DPP6: variants seen among roughly 807,000 people sequenced by gnomAD.
DPP6 encodes the protein dipeptidyl peptidase like 6, also known as A-type potassium channel modulatory protein DPP6.
Under a neutral mutation model 122.6 loss-of-function variants are expected in DPP6, and 69 were observed. That is an observed-to-expected ratio of 0.56 (90% confidence interval 0.46 to 0.69). The LOEUF is 0.69. Ranked by LOEUF, DPP6 falls within the 30% of genes least tolerant of loss-of-function variation. DPP6 has a pLI of 0.00. For missense variants in DPP6, 928 were observed against 1,116.9 expected (o/e 0.83, Z 2.41); for synonymous variants, 418 against 433.1 (o/e 0.97, Z 0.43).
Position 153,965,537 on chromosome 7 carries a change from G to C in DPP6, c.51+77803G>C, listed in dbSNP as rs559644233. Among the ~76,000 whole-genome samples the C allele has an allele frequency of 1.7e-4, 26 of 152,022 alleles. No homozygotes were observed. The South Asian group carries it at 5.4e-3, about 32-fold the overall frequency. ...ATTTTATTTTTTATTTTTTGAGATGGAGTCTCGCTGTGTCCCCCAGGTTGG... is the reference window on the plus strand; with the variant it reads ...ATTTTATTTTTTATTTTTTGAGATGCAGTCTCGCTGTGTCCCCCAGGTTGG... On this transcript the variant is annotated intron_variant, in intron 1 of 25. Transcript: ENST00000404039.
chr7:153,868,025 T>G, the DPP6 span, among the ~76,000 whole-genome samples: 2 of 152,154 alleles, frequency 1.3e-5, no homozygotes, highest in African/African-American at 4.8e-5. Context: ...TGGATAAGCT[T>G]TTTGATGTGC....
intron 1 of DPP6, among the ~76,000 whole-genome samples, chr7:153,970,046 T>C (rs559495870): frequency 6.6e-6 from 1 of 152,374 alleles, no homozygotes; most frequent in East Asian, 1.9e-4. Flanking sequence ...TAGAATTTCG[T>C]TATATGGACA....
intron 1 of DPP6, among the ~76,000 whole-genome samples, chr7:154,076,476 A>G (rs1397603941): frequency 6.6e-6 from 1 of 151,114 alleles, no homozygotes; most frequent in East Asian, 1.9e-4. Flanking sequence ...ATTTTTAAAA[A>G]GCAGACCAGA....
In DPP6 at chr7:154,055,670, C is replaced by G. The variant is rs960213473; in HGVS notation, c.243+2607C>G. On this transcript the variant is annotated intron_variant, in intron 1 of 25. Coordinates refer to ENST00000377770, the MANE Select transcript of DPP6 (RefSeq NM_130797.4). The stretch of plus-strand genomic sequence containing the variant: ...GGCTTTCCTTTTCCACATCTGCAAG[C>G]AGCTGGGAGCGCCGCTACTTCGGTG... 76 of 152,330 alleles carry G rather than the reference C, an allele frequency of 5.0e-4. 1 individual carries two copies. The highest frequency in any genetic ancestry group is 1.7e-3 in the African/African-American group (69 of 41,566). 9.4% of individuals were successfully genotyped at this position (152,330 alleles called of 1,614,324 possible). A position where few individuals can be genotyped will look rare whatever the true frequency, so the allele number is the denominator to read the frequency against.
chr7:154,802,854 AG>A (rs1563227606), intron 13 of DPP6, among the ~76,000 whole-genome samples: 4 of 147,314 alleles, frequency 2.7e-5, no homozygotes, highest in African/African-American at 2.5e-5. Flanking sequence ...AAAAAAAAAA[AG>A]ATTTATAAAT....
intron 4 of DPP6, among the ~76,000 whole-genome samples, chr7:154,563,294 C>T (rs574457711): frequency 2.6e-5 from 4 of 152,248 alleles, no homozygotes; most frequent in African/African-American, 9.6e-5. Context: ...GCAGATGGGA[C>T]TGAGGGGAGA....
intron 8 of DPP6, 132 bp downstream of exon 8, chr7:154,728,019 T>A: frequency 7.0e-7 from 1 of 1,426,512 alleles, no homozygotes; most frequent in Non-Finnish European, 9.2e-7. Context: ...TTCTGCAAAA[T>A]TTAAAAGATT....
intron 1 of DPP6, among the ~76,000 whole-genome samples, chr7:154,216,348 G>T (rs1373914787): frequency 6.6e-6 from 1 of 152,168 alleles, no homozygotes; most frequent in Non-Finnish European, 1.5e-5. Flanking sequence ...GAAAAGCACT[G>T]GACAGTGACC....
chr7:154,806,332 T>TC (rs1798695976), intron 15 of DPP6, among the ~76,000 whole-genome samples: 1 of 152,230 alleles, frequency 6.6e-6, no homozygotes, highest in Admixed American at 6.5e-5. Flanking sequence ...ATCCGGTATC[T>TC]TAGGATCTTT....
intron 16 of DPP6, among the ~76,000 whole-genome samples, chr7:154,823,921 G>A (rs1210586059): frequency 6.6e-6 from 1 of 152,194 alleles, no homozygotes; most frequent in Non-Finnish European, 1.5e-5. Flanking sequence ...CGAATGCATG[G>A]AGAGATACTG....
intron 1 of DPP6, among the ~76,000 whole-genome samples, chr7:154,395,347 T>C (rs1426629439): frequency 2.0e-5 from 3 of 152,252 alleles, no homozygotes; most frequent in Non-Finnish European, 4.4e-5. Context: ...GCGGGTAGCA[T>C]TGACATCTTA....
In DPP6 at chr7:154,800,349, G is replaced by T. The variant is rs181861439; in HGVS notation, c.1300-1006G>T. Among the ~76,000 whole-genome samples the T allele has an allele frequency of 3.1e-4, 47 of 152,188 alleles. No individual in the cohort carries two copies. In the East Asian group the frequency reaches 8.5e-3, roughly 28 times the overall value. ...AATGAGTTTTGCTTGTGCCAGCTGGGGTTTATTTACCATTAGTTCTCATCC... is the reference window on the plus strand; with the variant it reads ...AATGAGTTTTGCTTGTGCCAGCTGGTGTTTATTTACCATTAGTTCTCATCC... On this transcript the variant is annotated intron_variant, in intron 12 of 25. Transcript: ENST00000377770.
At chr7:154,426,831 A>AT (rs1483957478) in intron 1 of DPP6, among the ~76,000 whole-genome samples, 2 of 146,898 alleles carry the variant, frequency 1.4e-5, no homozygotes, top group Non-Finnish European at 3.0e-5. Flanking sequence ...AAAAAAAAAA[A>AT]CTGAGCCATA....
intron 21 of DPP6, among the ~76,000 whole-genome samples, chr7:154,883,384 CTGCTCACACACACACACA>C (rs1268032761): frequency 1.1e-5 from 1 of 89,426 alleles, no homozygotes; most frequent in Non-Finnish European, 2.1e-5. Context: ...TTACATACAC[CTGCTCACACACACACACA>C]TGCTCACCCA....
At chr7:153,949,923 G>A (rs548970480) in intron 1 of DPP6, among the ~76,000 whole-genome samples, 62 of 152,306 alleles carry the variant, frequency 4.1e-4, no homozygotes, top group African/African-American at 9.4e-4. Flanking sequence ...GGCTACTCTA[G>A]GGGGATCCCA....
chr7:154,106,985 G>C (rs1806208844), intron 1 of DPP6, among the ~76,000 whole-genome samples: 1 of 152,102 alleles, frequency 6.6e-6, no homozygotes, highest in Non-Finnish European at 1.5e-5. Flanking sequence ...GTGTTAGAGG[G>C]AATGTGAGTT....
At position 154,055,140 on chromosome 7, in the gene DPP6, A is replaced by T. The variant is rs188711507; in HGVS notation, c.243+2077A>T. On this transcript the variant is annotated intron_variant, in intron 1 of 25. Coordinates refer to ENST00000377770, the MANE Select transcript of DPP6 (RefSeq NM_130797.4). ...ACACAATGTGTGTGGGTGGGCGTGT[A>T]TTGTGTGTTTATATAGTGTACTCCC... Among the ~76,000 whole-genome samples the T allele has an allele frequency of 2.0e-3, 260 of 132,582 alleles. 1 individual carries two copies. The highest frequency in any genetic ancestry group is 3.5e-3 in the Non-Finnish European group (218 of 62,402). The allele number at this position is 132,582 out of a possible 152,430, so 87.0% of individuals were successfully genotyped here.
intron 1 of DPP6, among the ~76,000 whole-genome samples, chr7:154,175,068 A>AT (rs1213604933): frequency 1.3e-5 from 2 of 150,760 alleles, no homozygotes; most frequent in African/African-American, 2.4e-5. Flanking sequence ...ATTTTTATTT[A>AT]TTTTTAATAT....
chr7:154,446,442 C>G, intron 2 of DPP6, 114 bp downstream of exon 2: 2 of 593,596 alleles, frequency 3.4e-6, no homozygotes, highest in Non-Finnish European at 5.7e-6. Context: ...TTCCCAAGTT[C>G]TAATTCTCAC....
Sources: gnomAD v4.1 joint callset for allele counts (sites outside exome capture counted in the v4.1 genomes callset) on GRCh38, gnomAD v4.1.1 for gene constraint, MANE v1.5 for transcripts, NCBI Gene and HGNC (gene_info 2026-07-23, HGNC 2026-07-21) for gene names.